The following PDZD2 variants were observed in gnomAD, a reference collection of about 807,000 sequenced individuals.
PDZD2 encodes PDZ domain containing 2.
PDZD2 carries 90 observed loss-of-function variants against 220.7 expected under a neutral mutation model. The ratio of observed to expected loss-of-function variants is 0.41; its 90% CI spans 0.34 to 0.49. The LOEUF (loss-of-function observed/expected upper bound fraction) is 0.49, where lower values mean the gene tolerates loss of function less well. PDZD2 is among the 20% of genes least tolerant of loss of function. The pLI is 0.28. For synonymous variants in PDZD2, 1,375 were observed against 1,450.5 expected, an observed-to-expected ratio of 0.95 and a Z score of 1.18; for missense variants, 3,174 against 3,608.5, an observed-to-expected ratio of 0.88 and a Z score of 3.08.
intron 1 of PDZD2, among the ~76,000 whole-genome samples, chr5:31,761,424 G>A (rs1388910970): frequency 7.5e-6 from 1 of 133,630 alleles, no homozygotes; most frequent in Non-Finnish European, 1.6e-5. Context: ...AGGAAAAGGA[G>A]AAAGTTAAAA....
chr5:31,952,417 G>A (rs1421392872), intron 2 of PDZD2, among the ~76,000 whole-genome samples: 2 of 152,168 alleles, frequency 1.3e-5, no homozygotes, highest in East Asian at 3.8e-4. Flanking sequence ...GAAAACTTTT[G>A]GGATGCTGAT....
In PDZD2 at chr5:31,689,330, C is replaced by CATATGCATATATATATATAT. The variant is rs1375688425; in HGVS notation, c.-361+49897_-361+49898insGCATATATATATATATATAT. On this transcript the variant is annotated intron_variant, in intron 1 of 24. Transcript: ENST00000438447. Reference sequence around the variant, plus strand: ...ATACATACATATACACATATATATACATATACATATATATATATATATATT... The same window carrying CATATGCATATATATATATAT: ...ATACATACATATACACATATATATACATATGCATATATATATATATATATACATATATATATATATATATT... 5.3e-4 allele frequency among the ~76,000 whole-genome samples: 31 copies of CATATGCATATATATATATAT among 58,596 alleles called. 3 individuals carry two copies. Among genetic ancestry groups the CATATGCATATATATATATAT allele is most frequent in the East Asian group, 2.7e-3 (3 of 1,116 alleles). 38.4% of individuals were successfully genotyped at this position (58,596 alleles called of 152,430 possible).
intron 3 of PDZD2, among the ~76,000 whole-genome samples, chr5:31,988,219 A>G (rs757436698): frequency 2.6e-5 from 4 of 152,156 alleles, no homozygotes; most frequent in Non-Finnish European, 5.9e-5. Context: ...TGGTGGGTCC[A>G]CTTTGCCTTC....
intron 5 of PDZD2, 28 bp from the exon 6 acceptor site, chr5:32,010,302 G>T: frequency 6.4e-7 from 1 of 1,566,536 alleles, no homozygotes; most frequent in South Asian, 1.1e-5. Flanking sequence ...AGTAATTCAT[G>T]GATGGGCCTT....
At chr5:31,789,510 C>T (rs1753576257) in intron 1 of PDZD2, among the ~76,000 whole-genome samples, 1 of 152,244 alleles carries the variant, frequency 6.6e-6, no homozygotes, top group Non-Finnish European at 1.5e-5. Flanking sequence ...GTAGCATTTC[C>T]AGACTAGAGC....
intron 2 of PDZD2, chr5:31,823,163 A>G (rs1168933121): frequency 6.1e-6 from 2 of 329,394 alleles, no homozygotes; most frequent in East Asian, 7.3e-5. Flanking sequence ...GCAAAAAAAA[A>G]AAAAAAAAAA....
intron 1 of PDZD2, among the ~76,000 whole-genome samples, chr5:31,683,329 T>C (rs753103956): frequency 1.4e-4 from 21 of 152,200 alleles, no homozygotes; most frequent in Non-Finnish European, 2.5e-4. Context: ...GATCATATTC[T>C]TTGAAGTTTT....
chr5:31,822,773 AT>A, intron 2 of PDZD2: 2 of 1,020,888 alleles, frequency 2.0e-6, no homozygotes, highest in Non-Finnish European at 1.5e-6. Flanking sequence ...CTGCAGATGT[AT>A]TTTTCACCCA....
At chr5:31,898,956 T>G (rs900548431) in intron 2 of PDZD2, among the ~76,000 whole-genome samples, 1 of 150,736 alleles carries the variant, frequency 6.6e-6, no homozygotes, top group South Asian at 2.1e-4. Context: ...GCCTCCCGAG[T>G]AGCTGGGACT....
intron 2 of PDZD2, among the ~76,000 whole-genome samples, chr5:31,806,303 T>C (rs1754710632): frequency 6.6e-6 from 1 of 152,204 alleles, no homozygotes; most frequent in Non-Finnish European, 1.5e-5. Flanking sequence ...CGATTTGGAA[T>C]GTCCATCCTT....
chr5:31,652,078 G>A (rs930684247), intron 1 of PDZD2, among the ~76,000 whole-genome samples: 10 of 146,974 alleles, frequency 6.8e-5, no homozygotes, highest in African/African-American at 1.5e-4. Flanking sequence ...TGATCCGCTC[G>A]CCTTGGCCTC....
At chr5:31,894,061 T>A (rs1352788868) in intron 2 of PDZD2, among the ~76,000 whole-genome samples, 2 of 35,988 alleles carry the variant, frequency 5.6e-5, no homozygotes, top group Admixed American at 3.8e-4. Flanking sequence ...CGCCCAGCTT[T>A]TTTTTTTTTT....
At chr5:31,773,833 A>G (rs1256933389) in intron 1 of PDZD2, among the ~76,000 whole-genome samples, 1 of 152,158 alleles carries the variant, frequency 6.6e-6, no homozygotes, top group African/African-American at 2.4e-5. Flanking sequence ...CCGTGTTTAC[A>G]TATTTGTTAA....
chr5:31,791,514 C>A (rs11746633), intron 1 of PDZD2, among the ~76,000 whole-genome samples: 97,005 of 148,814 alleles, frequency 0.65, 31,573 homozygotes, highest in East Asian at 0.73. Flanking sequence ...TGCTTGAACC[C>A]AAGAGGTGGA....
At position 31,756,279 on chromosome 5, in the gene PDZD2, T is replaced by A. The variant is rs75429731; in HGVS notation, c.-360-42610T>A. 5.8e-3 allele frequency among the ~76,000 whole-genome samples: 889 copies of A among 152,280 alleles called. 21 individuals carry two copies. The East Asian group carries it at 0.062, about 11-fold the overall frequency. The stretch of plus-strand genomic sequence containing the variant: ...GAAGGTGGCTTAGAAAACGTCAGAC[T>A]TTTCCTAAAGGCCAGTGTGCACTCA... On this transcript the variant is annotated intron_variant, in intron 1 of 24. Coordinates refer to ENST00000438447, the MANE Select transcript of PDZD2 (RefSeq NM_178140.4).
intron 1 of PDZD2, among the ~76,000 whole-genome samples, chr5:31,714,196 A>G (rs1330681836): frequency 6.6e-6 from 1 of 152,226 alleles, no homozygotes; most frequent in Non-Finnish European, 1.5e-5. Context: ...TTTTTCCAGG[A>G]AAGTTTGCCT....
At chr5:32,013,596 C>G (rs191215475) in intron 6 of PDZD2, among the ~76,000 whole-genome samples, 154 of 152,222 alleles carry the variant, frequency 1.0e-3, no homozygotes, top group African/African-American at 3.6e-3. Context: ...GGAAGCTAAG[C>G]CTCTCGGCAG....
At chr5:31,910,410 C>CTT (rs3037132) in intron 2 of PDZD2, among the ~76,000 whole-genome samples, 29,528 of 132,790 alleles carry the variant, frequency 0.22, 3,665 homozygotes, top group African/African-American at 0.3. Context: ...CTTTTCCTTT[C>CTT]TTTTTTTTTT....
chr5:32,002,804 AACC>A (rs1411590334), intron 5 of PDZD2, among the ~76,000 whole-genome samples: 50 of 109,552 alleles, frequency 4.6e-4, no homozygotes, highest in South Asian at 1.3e-3. Context: ...CCACCAACAC[AACC>A]ACCAACACAC....
Sources: gnomAD v4.1 joint callset for allele counts (sites outside exome capture counted in the v4.1 genomes callset) on GRCh38, gnomAD v4.1.1 for gene constraint, MANE v1.5 for transcripts, NCBI Gene and HGNC (gene_info 2026-07-23, HGNC 2026-07-21) for gene names.